DCHS2: variants seen among roughly 807,000 people sequenced by gnomAD.
The protein encoded by DCHS2 is protocadherin-23.
DCHS2 carries 142 observed loss-of-function variants against 182.4 expected under a neutral mutation model. That is an observed-to-expected ratio of 0.78 (90% CI 0.68 to 0.89). The LOEUF is 0.89. Among genes scored for constraint, DCHS2 ranks in the 40% least tolerant of loss-of-function variants. The pLI, the probability that DCHS2 is intolerant of heterozygous loss-of-function variation, is 0.00. For synonymous variants in DCHS2, 1,740 were observed against 1,663.3 expected, an observed-to-expected ratio of 1.05 and a Z score of -1.12; for missense variants, 4,319 against 4,198.6, an observed-to-expected ratio of 1.03 and a Z score of -0.79.
At chr4:154,488,192 G>T (rs1354659890) in intron 1 of DCHS2, among the ~76,000 whole-genome samples, 2 of 145,032 alleles carry the variant, frequency 1.4e-5, no homozygotes, top group African/African-American at 2.5e-5. Flanking sequence ...AAATAAAAAA[G>T]AAACAAATAG....
intron 1 of DCHS2, among the ~76,000 whole-genome samples, chr4:154,431,590 T>C (rs995189313): frequency 8.5e-5 from 13 of 152,346 alleles, no homozygotes; most frequent in African/African-American, 2.4e-4. Context: ...TTAGTTGATA[T>C]ATTTTCTCGG....
rs752139830 is a variant in DCHS2 at position 154,490,317 on chromosome 4, C to T, written c.1039G>A (p.Gly347Ser). 5 of 1,544,764 alleles carry T rather than the reference C, an allele frequency of 3.2e-6. No individual in the cohort carries two copies. The highest frequency in any genetic ancestry group is 1.2e-5 in the South Asian group (1 of 83,954). Residue 347 changes from glycine to serine, a missense_variant, in exon 1 of 20, where the codon GGC becomes AGC. Physicochemically the swap from Gly to Ser is moderately conservative, Grantham distance 56 (BLOSUM62 0). Transcript: ENST00000357232. ...ARQVPGAGSG[G>S]GALGDAAYFA... ...TAGGCCGCGTCGCCCAGTGCCCCGCCGCCGCTACCCGCCCCAGGCACTTGC... is the reference window on the plus strand; with the variant it reads ...TAGGCCGCGTCGCCCAGTGCCCCGCTGCCGCTACCCGCCCCAGGCACTTGC...
chr4:154,236,503 C>T lies in DCHS2; in HGVS notation c.8149G>A (p.Glu2717Lys). 1.2e-6 allele frequency: 2 copies of T among 1,613,998 alleles called. No homozygotes were observed. Among genetic ancestry groups the T allele is most frequent in the South Asian group, 2.2e-5 (2 of 91,070 alleles). Reference protein sequence around the residue: ...GNEKGHFYLEENTGVLYLIKP... With the variant: ...GNEKGHFYLEKNTGVLYLIKP... ...ATCAAATAAAGAACTCCAGTGTTTT[C>T]TTCTAAGTAAAAATGTCCCTTCTCA... The change falls in exon 20 of 20, where the codon GAA becomes AAA. Residue 2717 changes from glutamate (E) to lysine (K), a missense_variant. Coordinates refer to ENST00000357232, the MANE Select transcript of DCHS2 (RefSeq NM_001358235.2).
In DCHS2 at chr4:154,233,388, C is replaced by A. The variant is rs946945168; in HGVS notation, c.*1148G>T. ...AGAGTCATTTTAACCATGTGCCAAA[C>A]TGCTCCATCTAATGACAGTTAAATT... is the stretch of plus-strand genomic sequence containing the variant. On this transcript the variant is annotated 3_prime_UTR_variant, in exon 20 of 20. Coordinates refer to ENST00000357232, the MANE Select transcript of DCHS2 (RefSeq NM_001358235.2). 6.6e-6 allele frequency: 1 copy of A among 152,186 alleles called. No homozygotes were observed. Among genetic ancestry groups the A allele is most frequent in the East Asian group, 1.9e-4 (1 of 5,200 alleles). The allele number at this position is 152,186 out of a possible 1,614,324, so 9.4% of individuals were successfully genotyped here. A position where few individuals can be genotyped will look rare whatever the true frequency, so the allele number is the denominator to read the frequency against.
intron 13 of DCHS2, among the ~76,000 whole-genome samples, chr4:154,274,899 A>T (rs1273260177): frequency 6.6e-6 from 1 of 152,046 alleles, no homozygotes; most frequent in African/African-American, 2.4e-5. Flanking sequence ...AAAACAAACA[A>T]AATAACAACA....
At chr4:154,415,106 G>T (rs1188190792) in intron 1 of DCHS2, among the ~76,000 whole-genome samples, 4 of 152,176 alleles carry the variant, frequency 2.6e-5, no homozygotes, top group African/African-American at 9.7e-5. Context: ...GTATCATTTA[G>T]TTATACTACT....
intron 13 of DCHS2, among the ~76,000 whole-genome samples, chr4:154,271,385 T>C (rs1733583067): frequency 6.6e-6 from 1 of 152,184 alleles, no homozygotes. Context: ...AGACAATGCA[T>C]AACCAAGGGA....
rs763809605 is a variant in DCHS2, at chr4:154,234,996, GAA to G, written c.9654_9655del (p.Ser3219AsnfsTer6). On this transcript the variant is annotated frameshift_variant, in exon 20 of 20. Transcript: ENST00000357232. LOFTEE classifies it low-confidence loss of function (END_TRUNC). ...ATCATGATCAGAGGTCGTCTGAGTT[GAA>G]AGAGCTGCACACCTTACTTCCTGAT... 1.2e-6 allele frequency: 2 copies of G among 1,613,912 alleles called. No homozygotes were observed. The highest frequency in any genetic ancestry group is 2.7e-5 in the African/African-American group (2 of 74,916).
intron 14 of DCHS2, among the ~76,000 whole-genome samples, chr4:154,268,822 C>A (rs1733424079): frequency 6.6e-6 from 1 of 152,058 alleles, no homozygotes; most frequent in Admixed American, 6.6e-5. Flanking sequence ...TTTGGACTAA[C>A]CCTAGGAAGA....
At chr4:154,351,018 T>C (rs1341077565) in intron 3 of DCHS2, among the ~76,000 whole-genome samples, 1 of 152,240 alleles carries the variant, frequency 6.6e-6, no homozygotes, top group Non-Finnish European at 1.5e-5. Context: ...AAGTTCTTGT[T>C]CTGGTTTGCT....
In DCHS2 at chr4:154,335,161, G is replaced by A. The variant is rs984887792; in HGVS notation, c.2477-57C>T. 20 of 1,116,636 alleles carry A rather than the reference G, an allele frequency of 1.8e-5. No homozygotes were observed. In the Admixed American group the frequency reaches 2.9e-4, roughly 16 times the overall value. The allele number at this position is 1,116,636 out of a possible 1,614,324, so 69.2% of individuals were successfully genotyped here. On this transcript the variant is annotated intron_variant, in intron 3 of 19. Coordinates refer to ENST00000357232, the MANE Select transcript of DCHS2 (RefSeq NM_001358235.2). ...GATAACATGTAATAAATACTGATGAGCAATAGTAACACCTGGTCTATTAAG... is the reference window on the plus strand; with the variant it reads ...GATAACATGTAATAAATACTGATGAACAATAGTAACACCTGGTCTATTAAG...
At position 154,489,684 on chromosome 4, in the gene DCHS2, C is replaced by T; in HGVS notation, c.1672G>A (p.Val558Ile). ...VSEAAAPGTVVMWVSASDADE... is the reference protein window; with the variant it reads ...VSEAAAPGTVIMWVSASDADE... ...GCATCGGAGGCGCTGACCCACATGACTACAGTGCCAGGGGCCGCGGCCTCG... is the reference window on the plus strand; with the variant it reads ...GCATCGGAGGCGCTGACCCACATGATTACAGTGCCAGGGGCCGCGGCCTCG... Residue 558 changes from valine to isoleucine, a missense_variant, in exon 1 of 20, where the codon GTC becomes ATC. Physicochemically the swap from Val to Ile is conservative, Grantham distance 29 (BLOSUM62 3). Coordinates refer to ENST00000357232, the MANE Select transcript of DCHS2 (RefSeq NM_001358235.2). The T allele has an allele frequency of 6.4e-7, 1 of 1,551,728 alleles. No individual in the cohort carries two copies. The highest frequency in any genetic ancestry group is 8.7e-7 in the Non-Finnish European group (1 of 1,147,002).
chr4:154,245,106 TGGGAAA>T (rs979489493), intron 16 of DCHS2, among the ~76,000 whole-genome samples: 26 of 152,216 alleles, frequency 1.7e-4, no homozygotes, highest in African/African-American at 6.0e-4. Context: ...TCAAAATAAA[TGGGAAA>T]GGAAAAGGTT....
chr4:154,270,425 A>G (rs1733533690), intron 13 of DCHS2, among the ~76,000 whole-genome samples: 1 of 151,930 alleles, frequency 6.6e-6, no homozygotes, highest in Admixed American at 6.6e-5. Flanking sequence ...AGCTGGAAGA[A>G]GAGGATTTTG....
Position 154,265,374 on chromosome 4 carries a change from A to G in DCHS2, c.6577+4526T>C, listed in dbSNP as rs114584402. On this transcript the variant is annotated intron_variant, in intron 14 of 19. Coordinates refer to ENST00000357232, the MANE Select transcript of DCHS2 (RefSeq NM_001358235.2). ...TAGTAAAAATGTTGAGCAAAGGAAT[A>G]AAGTCATAGAAGAGTACGTAGCATG... 2.8e-3 allele frequency among the ~76,000 whole-genome samples: 431 copies of G among 152,366 alleles called. 3 individuals are homozygous for G. Among genetic ancestry groups the G allele is most frequent in the African/African-American group, 9.5e-3 (395 of 41,580 alleles).
intron 1 of DCHS2, among the ~76,000 whole-genome samples, chr4:154,393,399 A>G (rs1479280265): frequency 6.6e-6 from 1 of 152,186 alleles, no homozygotes; most frequent in African/African-American, 2.4e-5. Flanking sequence ...TGGGCTTCAT[A>G]TTTTAACACA....
In DCHS2 at chr4:154,235,234, C is replaced by G; in HGVS notation, c.9418G>C (p.Asp3140His). ...VPDSGIPRDSDQLSCLSGETD... is the reference protein window; with the variant it reads ...VPDSGIPRDSHQLSCLSGETD... Reference sequence around the variant, plus strand: ...TCCCCAGATAGGCAGGAGAGCTGGTCTGAGTCCCTCGGGATACCCGAGTCT... The same window carrying G: ...TCCCCAGATAGGCAGGAGAGCTGGTGTGAGTCCCTCGGGATACCCGAGTCT... Residue 3140 changes from aspartate (D) to histidine (H), a missense_variant, in exon 20 of 20, where the codon GAC becomes CAC. Asp to His is a moderately conservative substitution (Grantham distance 81). Transcript: ENST00000357232. 1 of 1,614,072 alleles carries G rather than the reference C, an allele frequency of 6.2e-7. No individual in the cohort carries two copies. Among genetic ancestry groups the G allele is most frequent in the Non-Finnish European group, 8.5e-7 (1 of 1,179,992 alleles).
At position 154,346,404 on chromosome 4, in the gene DCHS2, GTAC is replaced by G. The variant is rs1269270995; in HGVS notation, c.2477-11303_2477-11301del. Reference sequence around the variant, plus strand: ...TGAAGGAATTCCTCTAGGTCCTGATGTACTACATTTAAAAATCAGTCAACTCAG... The same window carrying G: ...TGAAGGAATTCCTCTAGGTCCTGATGTACATTTAAAAATCAGTCAACTCAG... On this transcript the variant is annotated intron_variant, in intron 3 of 19. Coordinates refer to ENST00000357232, the MANE Select transcript of DCHS2 (RefSeq NM_001358235.2). 2.0e-5 allele frequency among the ~76,000 whole-genome samples: 3 copies of G among 152,160 alleles called. No homozygotes were observed. The East Asian group carries it at 5.8e-4, about 29-fold the overall frequency.
Position 154,491,249 on chromosome 4 carries a change from G to A in DCHS2, c.107C>T (p.Ser36Leu), listed in dbSNP as rs1336773400. 3.2e-6 allele frequency: 5 copies of A among 1,551,274 alleles called. No individual in the cohort carries two copies. The Admixed American group carries it at 7.8e-5, about 24-fold the overall frequency. Residue 36 changes from serine (S) to leucine (L), a missense_variant, in exon 1 of 20, where the codon TCA becomes TTA. By Grantham distance (145) the Ser-to-Leu change is moderately radical (BLOSUM62 -2). Transcript: ENST00000357232. ...PGRRDTPHGR[S>L]GSSGARTQRS... ...CTGCGTCCTGGCGCCGCTGCTGCCTGACCGCCCATGGGGTGTATCTCTCCT... is the reference window on the plus strand; with the variant it reads ...CTGCGTCCTGGCGCCGCTGCTGCCTAACCGCCCATGGGGTGTATCTCTCCT...
Sources: gnomAD v4.1 joint callset for allele counts (sites outside exome capture counted in the v4.1 genomes callset) on GRCh38, gnomAD v4.1.1 for gene constraint, MANE v1.5 for transcripts, NCBI Gene and HGNC (gene_info 2026-07-23, HGNC 2026-07-21) for gene names.